CCDC149: variants seen among roughly 807,000 people sequenced by gnomAD.
CCDC149 encodes coiled-coil domain containing 149.
A neutral mutation model predicts 59.9 loss-of-function variants in CCDC149; 45 were observed. The ratio of observed to expected loss-of-function variants is 0.75; its 90% CI spans 0.59 to 0.96. The LOEUF is 0.96. Among genes scored for constraint, CCDC149 ranks in the 40% least tolerant of loss-of-function variants. CCDC149 has a pLI of 0.00. For synonymous variants in CCDC149, 245 were observed against 260.6 expected, an observed-to-expected ratio of 0.94 and a Z score of 0.58; for missense variants, 584 against 664.7, an observed-to-expected ratio of 0.88 and a Z score of 1.33.
chr4:24,968,423 A>G (rs1723867817), intron 1 of CCDC149, among the ~76,000 whole-genome samples: 1 of 152,214 alleles, frequency 6.6e-6, no homozygotes, highest in African/African-American at 2.4e-5. Context: ...CATTGCAGAC[A>G]TCCACTTTGG....
At chr4:24,964,700 C>G (rs903637974) in intron 1 of CCDC149, among the ~76,000 whole-genome samples, 7 of 152,052 alleles carry the variant, frequency 4.6e-5, no homozygotes, top group African/African-American at 1.4e-4. Flanking sequence ...CCGAATTTAG[C>G]AAAAGACATG....
At chr4:24,830,242 T>C (rs1053263418) in intron 9 of CCDC149, 2 of 152,418 alleles carry the variant, frequency 1.3e-5, no homozygotes, top group African/African-American at 4.8e-5. Context: ...TGAGGTGTTC[T>C]GTAGAGAGGG....
At chr4:24,911,553 A>C (rs1721871692) in intron 1 of CCDC149, among the ~76,000 whole-genome samples, 1 of 152,220 alleles carries the variant, frequency 6.6e-6, no homozygotes, top group South Asian at 2.1e-4. Context: ...ATGGGACCAG[A>C]AACAAGGTCC....
intron 2 of CCDC149, among the ~76,000 whole-genome samples, chr4:24,875,500 T>C (rs950243344): frequency 1.3e-5 from 2 of 150,936 alleles, no homozygotes; most frequent in African/African-American, 4.9e-5. Context: ...TATTTCTCCA[T>C]GAATTTTTTT....
At chr4:24,912,239 T>G (rs1721918182) in intron 1 of CCDC149, among the ~76,000 whole-genome samples, 1 of 152,214 alleles carries the variant, frequency 6.6e-6, no homozygotes, top group Non-Finnish European at 1.5e-5. Context: ...TCTGCACCTG[T>G]GTTTCACTTT....
intron 1 of CCDC149, among the ~76,000 whole-genome samples, chr4:24,877,500 TA>T (rs988626945): frequency 9.4e-4 from 139 of 148,520 alleles, no homozygotes; most frequent in Middle Eastern, 3.5e-3. Context: ...GTTTTTATTG[TA>T]AAAAAAAAAT....
At chr4:24,932,616 G>T (rs1182994581) in intron 1 of CCDC149, among the ~76,000 whole-genome samples, 1 of 152,154 alleles carries the variant, frequency 6.6e-6, no homozygotes, top group Non-Finnish European at 1.5e-5. Flanking sequence ...CCCCAGAGAC[G>T]ACTTTCCTTT....
intron 1 of CCDC149, among the ~76,000 whole-genome samples, chr4:24,946,470 C>G (rs1305549445): frequency 6.6e-6 from 1 of 152,168 alleles, no homozygotes; most frequent in Non-Finnish European, 1.5e-5. Context: ...TAACACTTTT[C>G]AATTAAAATA....
chr4:24,948,176 C>A (rs931557496), intron 1 of CCDC149, among the ~76,000 whole-genome samples: 2 of 152,202 alleles, frequency 1.3e-5, no homozygotes, highest in African/African-American at 4.8e-5. Context: ...CTTAGAGAAG[C>A]GTGTGACTCT....
At chr4:24,970,235 G>C (rs1354679371) in intron 1 of CCDC149, among the ~76,000 whole-genome samples, 1 of 152,232 alleles carries the variant, frequency 6.6e-6, no homozygotes, top group African/African-American at 2.4e-5. Flanking sequence ...CCTACACTGA[G>C]ATGACCGGTG....
At chr4:24,804,579 T>G (rs1157044095), downstream of CCDC149, among the ~76,000 whole-genome samples, 1 of 151,862 alleles carries the variant, frequency 6.6e-6, no homozygotes, top group East Asian at 1.9e-4. Context: ...CCCATTTTTT[T>G]GGAGTGAAAA....
chr4:24,912,253 G>C (rs1721918637), intron 1 of CCDC149, among the ~76,000 whole-genome samples: 1 of 152,126 alleles, frequency 6.6e-6, no homozygotes, highest in Non-Finnish European at 1.5e-5. Flanking sequence ...TCACTTTTTC[G>C]ATAAATGCCC....
At chr4:24,959,690 G>C (rs957029684) in intron 1 of CCDC149, among the ~76,000 whole-genome samples, 5 of 152,130 alleles carry the variant, frequency 3.3e-5, no homozygotes, top group African/African-American at 1.2e-4. Flanking sequence ...ATGGACAGAG[G>C]ACTAAAGACA....
intron 7 of CCDC149, among the ~76,000 whole-genome samples, chr4:24,835,913 A>G (rs1716486304): frequency 6.6e-6 from 1 of 152,178 alleles, no homozygotes; most frequent in Admixed American, 6.5e-5. Flanking sequence ...TATCAAACTA[A>G]TGGTGCTGGA....
chr4:24,931,119 G>A (rs1269249928), intron 1 of CCDC149, among the ~76,000 whole-genome samples: 2 of 151,246 alleles, frequency 1.3e-5, no homozygotes, highest in Non-Finnish European at 2.9e-5. Context: ...TGTTCAATAT[G>A]CTGTACTTTG....
chr4:24,833,742 T>C (rs1373081932), intron 8 of CCDC149, among the ~76,000 whole-genome samples: 1 of 152,254 alleles, frequency 6.6e-6, no homozygotes, highest in African/African-American at 2.4e-5. Context: ...AAGTAATGTA[T>C]GAAGAACTGT....
At chr4:24,855,681 G>C (rs1717961682) in intron 3 of CCDC149, among the ~76,000 whole-genome samples, 1 of 151,912 alleles carries the variant, frequency 6.6e-6, no homozygotes, top group Non-Finnish European at 1.5e-5. Flanking sequence ...ACATTACTCA[G>C]TAACTCCATC....
chr4:24,929,287 GCT>G (rs1936893089), intron 1 of CCDC149, among the ~76,000 whole-genome samples: 1 of 152,158 alleles, frequency 6.6e-6, no homozygotes, highest in African/African-American at 2.4e-5. Flanking sequence ...GTGGGAATCG[GCT>G]CTCAGCGGCT....
chr4:24,903,309 T>A (rs888690277), intron 1 of CCDC149, among the ~76,000 whole-genome samples: 7 of 151,990 alleles, frequency 4.6e-5, no homozygotes, highest in African/African-American at 1.7e-4. Context: ...CTCAAAAGAC[T>A]AGAAAGGATC....
Sources: gnomAD v4.1 joint callset for allele counts (sites outside exome capture counted in the v4.1 genomes callset) on GRCh38, gnomAD v4.1.1 for gene constraint, MANE v1.5 for transcripts, NCBI Gene and HGNC (gene_info 2026-07-23, HGNC 2026-07-21) for gene names.